The following FRMD6 variants were observed in gnomAD, a reference collection of about 807,000 sequenced individuals.
FRMD6 encodes FERM domain-containing protein 6.
Under a neutral mutation model 73.2 loss-of-function variants are expected in FRMD6, and 37 were observed. The ratio of observed to expected loss-of-function variants is 0.51; its 90% CI spans 0.39 to 0.66. The LOEUF (loss-of-function observed/expected upper bound fraction) is 0.66, where lower values mean the gene tolerates loss of function less well. FRMD6 is among the 30% of genes least tolerant of loss of function. The pLI is 0.00. For missense variants in FRMD6, 714 were observed against 780.5 expected, an observed-to-expected ratio of 0.91 and a Z score of 1.02; for synonymous variants, 273 against 282.2, an observed-to-expected ratio of 0.97 and a Z score of 0.33.
rs74052654 is a variant in FRMD6, at chr14:51,656,221, A to G, written c.-147+4225A>G. Among the ~76,000 whole-genome samples, 1,018 of 152,306 alleles carry G rather than the reference A, an allele frequency of 6.7e-3. 12 individuals carry two copies. Among genetic ancestry groups the G allele is most frequent in the African/African-American group, 0.023 (967 of 41,554 alleles). On this transcript the variant is annotated intron_variant, in intron 1 of 13. Transcript: ENST00000344768. ...AGCAGTCATGCAGTATATATACCAT[A>G]TTGATCAAAGATGAATTACAGAACA...
chr14:51,481,876 T>C, the FRMD6 span, among the ~76,000 whole-genome samples: 14 of 152,358 alleles, frequency 9.2e-5, no homozygotes, highest in African/African-American at 3.4e-4. Context: ...TTAGGGCATA[T>C]GCAGAGCAGG....
At chr14:51,664,499 A>G (rs1594687982) in intron 1 of FRMD6, among the ~76,000 whole-genome samples, 3 of 152,310 alleles carry the variant, frequency 2.0e-5, no homozygotes, top group South Asian at 2.1e-4. Context: ...CCTTTAATGC[A>G]TACGTATTGT....
intron 1 of FRMD6, among the ~76,000 whole-genome samples, chr14:51,520,170 A>C (rs1884866579): frequency 6.6e-6 from 1 of 152,262 alleles, no homozygotes; most frequent in Non-Finnish European, 1.5e-5. Context: ...AAAAGACTTC[A>C]ACAAATACTT....
chr14:51,418,742 A>G, the FRMD6 span, among the ~76,000 whole-genome samples: 1 of 152,246 alleles, frequency 6.6e-6, no homozygotes, highest in Non-Finnish European at 1.5e-5. Context: ...AGTCTGGAGA[A>G]GCTTCTGTTG....
At chr14:51,641,745 G>A (rs1891819293) in intron 2 of FRMD6, among the ~76,000 whole-genome samples, 1 of 152,162 alleles carries the variant, frequency 6.6e-6, no homozygotes, top group South Asian at 2.1e-4. Context: ...TGGCTTTCAA[G>A]TCGGGGCAGC....
At position 51,728,412 on chromosome 14, in the gene FRMD6, A is replaced by G. The variant is rs183901281; in HGVS notation, c.*383A>G. The G allele has an allele frequency of 3.9e-5, 7 of 180,430 alleles. No individual in the cohort carries two copies. The highest frequency in any genetic ancestry group is 1.4e-4 in the African/African-American group (6 of 42,286). 11.2% of individuals were successfully genotyped at this position (180,430 alleles called of 1,614,324 possible). ...AAAGATGTTAGATTTGTTTGCTTAT[A>G]AATTTTTTACCACTCCCACATAAAA... On this transcript the variant is annotated 3_prime_UTR_variant, in exon 14 of 14. Transcript: ENST00000344768.
chr14:51,597,161 A>T (rs895001683), intron 2 of FRMD6, among the ~76,000 whole-genome samples: 22 of 152,232 alleles, frequency 1.4e-4, no homozygotes, highest in African/African-American at 5.3e-4. Flanking sequence ...CACAGAATGC[A>T]CTAGGTGATA....
intron 9 of FRMD6, chr14:51,713,854 CT>C (rs1164696876): frequency 5.9e-5 from 9 of 152,198 alleles, no homozygotes; most frequent in African/African-American, 2.2e-4. Context: ...TTATGACGCA[CT>C]TGCCCCTTTC....
At chr14:51,521,165 A>G (rs1884935634) in intron 1 of FRMD6, among the ~76,000 whole-genome samples, 1 of 152,198 alleles carries the variant, frequency 6.6e-6, no homozygotes, top group South Asian at 2.1e-4. Flanking sequence ...AATGTTCTGT[A>G]TCTTGACTGT....
chr14:51,436,057 C>A, the FRMD6 span: 1 of 188,192 alleles, frequency 5.3e-6, no homozygotes, highest in South Asian at 1.1e-4. Context: ...AAACACCTGT[C>A]TCCACTCCCA....
intron 1 of FRMD6, among the ~76,000 whole-genome samples, chr14:51,558,941 A>G (rs1048081457): frequency 6.6e-6 from 1 of 152,162 alleles, no homozygotes; most frequent in African/African-American, 2.4e-5. Context: ...GAGTTAGGAA[A>G]CCCTATAGCT....
chr14:51,712,345 C>T (rs1020665237), intron 8 of FRMD6, 138 bp from the exon 9 acceptor site: 1 of 627,936 alleles, frequency 1.6e-6, no homozygotes, highest in South Asian at 2.0e-5. Flanking sequence ...TAATTATTGT[C>T]TGTATTTCTC....
chr14:51,455,667 G>A, the FRMD6 span, among the ~76,000 whole-genome samples: 1 of 152,144 alleles, frequency 6.6e-6, no homozygotes, highest in Non-Finnish European at 1.5e-5. Context: ...AAGAGCAGGA[G>A]AACACTGGGC....
Position 51,524,537 on chromosome 14 carries a change from G to A in FRMD6, c.-210+35117G>A, listed in dbSNP as rs1298221022. On this transcript the variant is annotated intron_variant, in intron 1 of 14. Transcript: ENST00000356218. ...TACATTACTTTTTTATTTTTATGACGGGGGGGGTCTCTTTGTTGTTTAAAG... is the reference window on the plus strand; with the variant it reads ...TACATTACTTTTTTATTTTTATGACAGGGGGGGTCTCTTTGTTGTTTAAAG... Among the ~76,000 whole-genome samples the A allele has an allele frequency of 6.6e-5, 9 of 137,250 alleles. No individual in the cohort carries two copies. The East Asian group carries it at 9.8e-4, about 15-fold the overall frequency. The allele number at this position is 137,250 out of a possible 152,430, so 90.0% of individuals were successfully genotyped here.
At chr14:51,589,356 TTTG>T (rs1268854975) in intron 2 of FRMD6, among the ~76,000 whole-genome samples, 4 of 37,920 alleles carry the variant, frequency 1.1e-4, no homozygotes, top group African/African-American at 2.7e-4. Flanking sequence ...TTTGGTTTTT[TTTG>T]TTGTTGTTGT....
In FRMD6 at chr14:51,710,465, C is replaced by T. The variant is rs116965308; in HGVS notation, c.715-1066C>T. On this transcript the variant is annotated intron_variant, in intron 7 of 13. Transcript: ENST00000344768. ...TATTTTGGAAAGCAATCTGTACATC[C>T]TTGAAAGCGAAATTGACCAAAACTC... Among the ~76,000 whole-genome samples, 986 of 152,212 alleles carry T rather than the reference C, an allele frequency of 6.5e-3. 5 individuals carry two copies. The highest frequency in any genetic ancestry group is 0.01 in the Non-Finnish European group (683 of 67,994).
chr14:51,727,670 G>C (rs1898051802), intron 13 of FRMD6, 75 bp from the exon 14 acceptor site: 2 of 1,406,386 alleles, frequency 1.4e-6, no homozygotes, highest in South Asian at 2.7e-5. Flanking sequence ...TTGTGGTTCT[G>C]TAGCATCTCT....
intron 2 of FRMD6, among the ~76,000 whole-genome samples, chr14:51,629,123 C>A (rs1216754429): frequency 6.6e-6 from 1 of 152,130 alleles, no homozygotes; most frequent in African/African-American, 2.4e-5. Flanking sequence ...TTGTGATCCG[C>A]CCGCCTCGCC....
chr14:51,465,176 G>A, the FRMD6 span, among the ~76,000 whole-genome samples: 1 of 152,152 alleles, frequency 6.6e-6, no homozygotes, highest in Non-Finnish European at 1.5e-5. Context: ...CAGATATTAT[G>A]TCATGAGACA....
Sources: allele counts gnomAD v4.1 joint callset (sites outside exome capture counted in the v4.1 genomes callset), GRCh38; gene constraint gnomAD v4.1.1; transcripts MANE v1.5; gene names NCBI Gene and HGNC (gene_info 2026-07-23, HGNC 2026-07-21).